The following UBAC2 variants were observed in gnomAD, a reference collection of about 807,000 sequenced individuals.
UBAC2 encodes UBA domain containing 2.
Under a neutral mutation model 44.0 loss-of-function variants are expected in UBAC2, and 26 were observed. The observed-to-expected ratio is 0.59, with a 90% CI of 0.43 to 0.82. UBAC2 has a LOEUF of 0.82. Among genes scored for constraint, UBAC2 ranks in the 40% least tolerant of loss-of-function variants. The pLI is 0.00. For synonymous variants in UBAC2, 155 were observed against 154.3 expected (o/e 1.00, Z -0.04); for missense variants, 329 against 419.4 (o/e 0.78, Z 1.88).
chr13:99,241,685 T>C (rs1430315325), intron 2 of UBAC2, among the ~76,000 whole-genome samples: 1 of 152,006 alleles, frequency 6.6e-6, no homozygotes, highest in Non-Finnish European at 1.5e-5. Flanking sequence ...GTGAATTTGC[T>C]TAATACCACT....
chr13:99,234,424 AGG>A, intron 1 of UBAC2: 1 of 198,788 alleles, frequency 5.0e-6, no homozygotes, highest in South Asian at 4.9e-5. Context: ...TCCTGACCTC[AGG>A]TGATCCGCCC....
intron 7 of UBAC2, chr13:99,356,345 G>A: frequency 2.7e-6 from 1 of 374,992 alleles, no homozygotes; most frequent in Non-Finnish European, 5.8e-6. Flanking sequence ...GCCGACTAGA[G>A]CAAGACAGAG....
In UBAC2 at chr13:99,309,632, A is replaced by G. The variant is rs185402027; in HGVS notation, c.390-4465A>G. Among the ~76,000 whole-genome samples, 646 of 151,822 alleles carry G rather than the reference A, an allele frequency of 4.3e-3. 6 individuals carry two copies. Among genetic ancestry groups the G allele is most frequent in the African/African-American group, 0.015 (611 of 41,408 alleles). On this transcript the variant is annotated intron_variant, in intron 4 of 8. Coordinates refer to ENST00000403766, the MANE Select transcript of UBAC2 (RefSeq NM_001144072.2). The stretch of plus-strand genomic sequence containing the variant: ...TTTGTTTGTTTGGAGACAGGGTCTC[A>G]CTCTGTTGCCCAGGCTGGAGTGCAG...
At chr13:99,343,625 G>A (rs186393864) in intron 7 of UBAC2, among the ~76,000 whole-genome samples, 1 of 152,338 alleles carries the variant, frequency 6.6e-6, no homozygotes, top group Non-Finnish European at 1.5e-5. Flanking sequence ...TACGTTGAGT[G>A]GTCTGCTGGG....
intron 4 of UBAC2, among the ~76,000 whole-genome samples, chr13:99,309,233 C>G (rs1158232546): frequency 6.6e-6 from 1 of 152,034 alleles, no homozygotes; most frequent in Non-Finnish European, 1.5e-5. Context: ...GCCTCAGCCT[C>G]CCGAGTAGCT....
chr13:99,348,918 T>G (rs2045034431), intron 7 of UBAC2, among the ~76,000 whole-genome samples: 2 of 152,148 alleles, frequency 1.3e-5, no homozygotes, highest in African/African-American at 4.8e-5. Context: ...GAGGCTGAGA[T>G]GGAACGATCA....
intron 4 of UBAC2, among the ~76,000 whole-genome samples, chr13:99,311,573 A>T (rs1026145351): frequency 2.6e-5 from 4 of 152,242 alleles, no homozygotes; most frequent in Non-Finnish European, 4.4e-5. Flanking sequence ...TGTTAATTTT[A>T]AAAAATCCAA....
intron 1 of UBAC2, among the ~76,000 whole-genome samples, chr13:99,223,070 G>C (rs2043067959): frequency 6.6e-6 from 1 of 152,136 alleles, no homozygotes; most frequent in Non-Finnish European, 1.5e-5. Flanking sequence ...GCTTTGGTAG[G>C]TTGTGTCTTC....
intron 7 of UBAC2, among the ~76,000 whole-genome samples, chr13:99,354,791 C>G (rs986950971): frequency 1.3e-5 from 2 of 152,076 alleles, no homozygotes; most frequent in African/African-American, 4.8e-5. Flanking sequence ...ACTCACTGAC[C>G]GTGGCATGCA....
chr13:99,210,953 C>G (rs2042931351), intron 1 of UBAC2, among the ~76,000 whole-genome samples: 3 of 152,174 alleles, frequency 2.0e-5, no homozygotes, highest in South Asian at 2.1e-4. Context: ...TAGGATGCTG[C>G]AGAATTAGGT....
chr13:99,209,229 G>T (rs1021154584), intron 1 of UBAC2, among the ~76,000 whole-genome samples: 8 of 152,178 alleles, frequency 5.3e-5, no homozygotes, highest in Non-Finnish European at 1.2e-4. Flanking sequence ...GTATGAAGGT[G>T]TGGCTGTACT....
chr13:99,310,951 G>C (rs34166694), intron 4 of UBAC2, among the ~76,000 whole-genome samples: 2,990 of 152,266 alleles, frequency 0.02, 48 homozygotes, highest in Non-Finnish European at 0.031. Context: ...ATCACCAAGA[G>C]AGCAGGCCAT....
chr13:99,245,611 G>C (rs995882930), intron 4 of UBAC2, among the ~76,000 whole-genome samples: 5 of 152,216 alleles, frequency 3.3e-5, no homozygotes, highest in African/African-American at 1.2e-4. Context: ...GGGAGGCCGA[G>C]GTGGGCGGAT....
At position 99,200,954 on chromosome 13, in the gene UBAC2, C is replaced by A; in HGVS notation, c.31+15C>A. ...CAGTGGGCTCTGTGAGTACCGGCCT[C>A]CGCCATCCTGGCTGCCCCCTACACG... On this transcript the variant is annotated intron_variant, in intron 1 of 8. Transcript: ENST00000403766. 7.7e-7 allele frequency: 1 copy of A among 1,306,892 alleles called. No individual in the cohort carries two copies. 81.0% of individuals were successfully genotyped at this position (1,306,892 alleles called of 1,614,324 possible).
chr13:99,338,047 CTTTTT>C (rs869112086), intron 6 of UBAC2, among the ~76,000 whole-genome samples: 779 of 48,888 alleles, frequency 0.016, 53 homozygotes, highest in African/African-American at 0.052. Flanking sequence ...TTCTTTTTTT[CTTTTT>C]TTTTTTTTTT....
chr13:99,357,803 G>A (rs1038498180), intron 7 of UBAC2, among the ~76,000 whole-genome samples: 2 of 152,148 alleles, frequency 1.3e-5, no homozygotes, highest in Admixed American at 6.5e-5. Context: ...CATCACCTGG[G>A]TCTTCATATC....
intron 4 of UBAC2, among the ~76,000 whole-genome samples, chr13:99,310,530 G>A (rs2044397768): frequency 6.6e-6 from 1 of 152,198 alleles, no homozygotes; most frequent in African/African-American, 2.4e-5. Context: ...ACTGGTCAGT[G>A]ACTAATAACA....
chr13:99,241,598 A>G (rs2043300536), intron 2 of UBAC2, among the ~76,000 whole-genome samples: 1 of 152,234 alleles, frequency 6.6e-6, no homozygotes, highest in Non-Finnish European at 1.5e-5. Context: ...GAGAGGGAAC[A>G]GGAAGTTAGC....
chr13:99,382,667 C>T (rs917365663), intron 8 of UBAC2, among the ~76,000 whole-genome samples: 4 of 152,200 alleles, frequency 2.6e-5, no homozygotes, highest in African/African-American at 9.7e-5. Context: ...AGCCCTCATA[C>T]TGGGAGTTCA....
Sources: allele counts gnomAD v4.1 joint callset (sites outside exome capture counted in the v4.1 genomes callset), GRCh38; gene constraint gnomAD v4.1.1; transcripts MANE v1.5; gene names NCBI Gene and HGNC (gene_info 2026-07-23, HGNC 2026-07-21).